Variants in RALGAPB observed in about 807,000 individuals in gnomAD.
RALGAPB encodes ral GTPase-activating protein subunit beta.
In RALGAPB, 25 loss-of-function variants were observed where a neutral mutation model predicts 161.1. That is an observed-to-expected ratio of 0.16 (90% CI 0.11 to 0.22). The LOEUF is 0.22. RALGAPB is among the 10% of genes least tolerant of loss of function. The pLI is 1.00. For missense variants in RALGAPB, 1,391 were observed against 1,815.2 expected, an observed-to-expected ratio of 0.77 and a Z score of 4.25; for synonymous variants, 629 against 626.1, an observed-to-expected ratio of 1.00 and a Z score of -0.07.
rs538822687 is a variant in RALGAPB at position 38,536,883 on chromosome 20, C to T, written c.2379+1676C>T. On this transcript the variant is annotated intron_variant, in intron 16 of 29. Transcript: ENST00000262879. ...CTTAGAGCTTACCTCAAAGATCCTCCAGGATGGACATCATAACTTTGCGAG... is the reference window on the plus strand; with the variant it reads ...CTTAGAGCTTACCTCAAAGATCCTCTAGGATGGACATCATAACTTTGCGAG... Among the ~76,000 whole-genome samples the T allele has an allele frequency of 7.2e-5, 11 of 152,240 alleles. No homozygotes were observed. In the East Asian group the frequency reaches 2.1e-3, roughly 29 times the overall value.
chr20:38,575,300 T>C lies in RALGAPB; in HGVS notation c.*333T>C, dbSNP rs941618708. ...CTCAGTTAAACACGTGCATTGGTAG[T>C]ATCAACAAATTTGCAATATAGAAGT... On this transcript the variant is annotated 3_prime_UTR_variant, in exon 30 of 30. Coordinates refer to ENST00000262879, the MANE Select transcript of RALGAPB (RefSeq NM_020336.4). 5.0e-6 allele frequency: 1 copy of C among 198,066 alleles called. No individual in the cohort carries two copies. The highest frequency in any genetic ancestry group is 2.3e-5 in the African/African-American group (1 of 42,594). 12.3% of individuals were successfully genotyped at this position (198,066 alleles called of 1,614,324 possible).
At chr20:38,527,323 A>G (rs1477019912) in intron 13 of RALGAPB, among the ~76,000 whole-genome samples, 3 of 152,190 alleles carry the variant, frequency 2.0e-5, no homozygotes, top group African/African-American at 7.2e-5. Context: ...AAAGGCCTCT[A>G]AAACTGAGGG....
At chr20:38,494,563 G>C (rs1357586007) in intron 3 of RALGAPB, among the ~76,000 whole-genome samples, 2 of 152,146 alleles carry the variant, frequency 1.3e-5, no homozygotes, top group Non-Finnish European at 2.9e-5. Context: ...TCTGGGAGGC[G>C]GAGGTTGCAG....
At chr20:38,571,463 T>C (rs911556524) in intron 28 of RALGAPB, among the ~76,000 whole-genome samples, 19 of 152,198 alleles carry the variant, frequency 1.2e-4, no homozygotes, top group African/African-American at 3.4e-4. Flanking sequence ...AGTAATATCA[T>C]GTGGAATTTG....
In RALGAPB at chr20:38,532,730, G is replaced by T. The variant is rs760324198; in HGVS notation, c.2116G>T (p.Gly706Cys). 5 of 1,613,518 alleles carry T rather than the reference G, an allele frequency of 3.1e-6. No homozygotes were observed. Among genetic ancestry groups the T allele is most frequent in the Non-Finnish European group, 4.2e-6 (5 of 1,179,564 alleles). Reference protein sequence around the residue: ...LEAIGCQMEMGGGENNLKSHS... With the variant: ...LEAIGCQMEMCGGENNLKSHS... ...ACTTGATTCATTTTCATTTGACTAGGGTGGTGGAGAAAATAACCTGAAGAG... is the reference window on the plus strand; with the variant it reads ...ACTTGATTCATTTTCATTTGACTAGTGTGGTGGAGAAAATAACCTGAAGAG... The change falls in exon 15 of 30, where the codon GGT becomes TGT. Residue 706 changes from glycine to cysteine, a missense_variant and splice_region_variant. Transcript: ENST00000262879.
At chr20:38,509,723 T>A (rs2085876042) in intron 6 of RALGAPB, among the ~76,000 whole-genome samples, 1 of 152,260 alleles carries the variant, frequency 6.6e-6, no homozygotes, top group Non-Finnish European at 1.5e-5. Context: ...CATCACTTTT[T>A]ACTTGTCCCT....
At position 38,509,123 on chromosome 20, in the gene RALGAPB, C is replaced by G. The variant is rs531937205; in HGVS notation, c.787C>G (p.Pro263Ala). ...YGPSFPAFKV[P>A]DEDASLIPPE... ...TCCTTCATTTCCTGCATTTAAAGTT[C>G]CCGATGAAGATGCCAGTCTGATCCC... The change falls in exon 6 of 30, where the codon CCC becomes GCC. Residue 263 changes from proline to alanine, a missense_variant. Physicochemically the swap from Pro to Ala is conservative, Grantham distance 27. Transcript: ENST00000262879. 6.2e-7 allele frequency: 1 copy of G among 1,613,350 alleles called. No homozygotes were observed. The highest frequency in any genetic ancestry group is 8.5e-7 in the Non-Finnish European group (1 of 1,179,290).
intron 8 of RALGAPB, 52 bp downstream of exon 8, chr20:38,517,706 T>G (rs1196637090): frequency 1.2e-6 from 2 of 1,607,030 alleles, no homozygotes; most frequent in African/African-American, 1.3e-5. Context: ...CTTTTTAATC[T>G]GCCATTCTTT....
At chr20:38,508,840 A>G (rs971785305) in intron 5 of RALGAPB, among the ~76,000 whole-genome samples, 1 of 152,172 alleles carries the variant, frequency 6.6e-6, no homozygotes, top group Non-Finnish European at 1.5e-5. Flanking sequence ...GTTTTGATAT[A>G]TATATAAAAA....
Position 38,517,816 on chromosome 20 carries a change from C to A in RALGAPB, c.1233C>A (p.His411Gln). Residue 411 changes from histidine (H) to glutamine (Q), a missense_variant, in exon 9 of 30, where the codon CAC becomes CAA. His to Gln is a conservative substitution (Grantham distance 24). This residue lies in a region of RALGAPB where 946 missense variants were observed against 1,257.2 expected (regional missense o/e 0.75). Transcript: ENST00000262879. ...VSTAHASKVQ[H>Q]QTSSTSPLSS... ...CTGCTCATGCCTCTAAAGTTCAGCA[C>A]CAGACGTCCTCCACCTCTCCTCTGT... 1 of 1,613,834 alleles carries A rather than the reference C, an allele frequency of 6.2e-7. No homozygotes were observed. Among genetic ancestry groups the A allele is most frequent in the Non-Finnish European group, 8.5e-7 (1 of 1,179,750 alleles).
At chr20:38,511,485 C>T (rs988685208) in intron 6 of RALGAPB, among the ~76,000 whole-genome samples, 7 of 151,922 alleles carry the variant, frequency 4.6e-5, no homozygotes, top group African/African-American at 7.3e-5. Flanking sequence ...TGCCGCCTTC[C>T]GCAGTGTTTG....
rs775545521 is a variant in RALGAPB at position 38,517,887 on chromosome 20, C to T, written c.1304C>T (p.Pro435Leu). The T allele has an allele frequency of 6.2e-6, 10 of 1,613,874 alleles. No homozygotes were observed. Among genetic ancestry groups the T allele is most frequent in the Non-Finnish European group, 7.6e-6 (9 of 1,179,784 alleles). Residue 435 changes from proline to leucine, a missense_variant, in exon 9 of 30, where the codon CCT becomes CTT. By Grantham distance (98) the Pro-to-Leu change is moderately conservative. Around this residue, in one of 3 missense-constraint regions of RALGAPB, gnomAD observed 946 missense variants for 1,257.2 expected, o/e 0.75. Transcript: ENST00000262879. ...TCAGAACCCCGGCCACTGCCTGCCC[C>T]TCGGAGACCAAAGGTTAACAGCATC... ...TSSEPRPLPA[P>L]RRPKVNSILN...
intron 1 of RALGAPB, among the ~76,000 whole-genome samples, chr20:38,485,120 T>G (rs1422943546): frequency 1.3e-5 from 2 of 152,204 alleles, no homozygotes; most frequent in Admixed American, 1.3e-4. Context: ...AATAGCACAA[T>G]ATATTTTGTA....
rs114413245 is a variant in RALGAPB at position 38,538,288 on chromosome 20, G to A, written c.2380-1488G>A. 1,428 of 191,362 alleles carry A rather than the reference G, an allele frequency of 7.5e-3. 26 individuals carry two copies. Among genetic ancestry groups the A allele is most frequent in the African/African-American group, 0.032 (1,366 of 42,826 alleles). 11.9% of individuals were successfully genotyped at this position (191,362 alleles called of 1,614,324 possible). A position where few individuals can be genotyped will look rare whatever the true frequency, so the allele number is the denominator to read the frequency against. ...ATCCACCATGTGCTGCTAAGACAGG[G>A]TGTGCTGGGCATCAAAGTGAAGCTC... On this transcript the variant is annotated intron_variant, in intron 16 of 29. Transcript: ENST00000262879.
At chr20:38,492,726 T>A (rs987056320) in intron 2 of RALGAPB, among the ~76,000 whole-genome samples, 3 of 152,250 alleles carry the variant, frequency 2.0e-5, no homozygotes, top group African/African-American at 7.2e-5. Flanking sequence ...ATAAGTAATT[T>A]ATTTTCTTCT....
In RALGAPB at chr20:38,557,385, C is replaced by G. The variant is rs548813676; in HGVS notation, c.3373-910C>G. On this transcript the variant is annotated intron_variant, in intron 22 of 29. Transcript: ENST00000262879. ...ATTACTCACCGAAGTCGGTGATTTA[C>G]AATAGGGTTCACTCTGTGCTGTACA... Among the ~76,000 whole-genome samples the G allele has an allele frequency of 3.9e-5, 6 of 152,254 alleles. No individual in the cohort carries two copies. In the South Asian group the frequency reaches 1.2e-3, roughly 32 times the overall value.
At chr20:38,550,578 A>G (rs948085492) in intron 20 of RALGAPB, among the ~76,000 whole-genome samples, 7 of 152,212 alleles carry the variant, frequency 4.6e-5, no homozygotes, top group East Asian at 1.9e-4. Flanking sequence ...ATGTACCCAT[A>G]TACATATTAA....
chr20:38,564,842 T>C (rs2087926995), intron 24 of RALGAPB, among the ~76,000 whole-genome samples: 1 of 152,024 alleles, frequency 6.6e-6, no homozygotes, highest in Non-Finnish European at 1.5e-5. Flanking sequence ...CTCTTCTCTC[T>C]CTTCTTCTCT....
chr20:38,577,442 A>T lies in RALGAPB; in HGVS notation c.*2475A>T. ...CTGTGGCTTAAACAGTTCAGTTGCTATATCTGTTGGGTATGCCGGGGGTGG... is the reference window on the plus strand; with the variant it reads ...CTGTGGCTTAAACAGTTCAGTTGCTTTATCTGTTGGGTATGCCGGGGGTGG... On this transcript the variant is annotated 3_prime_UTR_variant, in exon 30 of 30. Coordinates refer to ENST00000262879, the MANE Select transcript of RALGAPB (RefSeq NM_020336.4). 1 of 152,270 alleles carries T rather than the reference A, an allele frequency of 6.6e-6. No individual in the cohort carries two copies. The highest frequency in any genetic ancestry group is 6.5e-5 in the Admixed American group (1 of 15,300). 9.4% of individuals were successfully genotyped at this position (152,270 alleles called of 1,614,324 possible).
Sources: gnomAD v4.1 joint callset for allele counts (sites outside exome capture counted in the v4.1 genomes callset) on GRCh38, gnomAD v4.1.1 for gene constraint, gnomAD v4.1.1 regional missense constraint, MANE v1.5 for transcripts, NCBI Gene and HGNC (gene_info 2026-07-23, HGNC 2026-07-21) for gene names.